Variants in RETREG1 observed in about 807,000 individuals in gnomAD.
RETREG1 encodes the protein reticulophagy regulator 1.
In RETREG1, 44 loss-of-function variants were observed where a neutral mutation model predicts 54.8. The observed-to-expected ratio is 0.80, with a 90% CI of 0.63 to 1.03. The LOEUF (loss-of-function observed/expected upper bound fraction) is 1.03. Ranked by LOEUF, RETREG1 falls within the 50% of genes least tolerant of loss-of-function variation. The pLI is 0.00. For synonymous variants in RETREG1, 217 were observed against 238.5 expected, an observed-to-expected ratio of 0.91 and a Z score of 0.83; for missense variants, 554 against 605.1, an observed-to-expected ratio of 0.92 and a Z score of 0.89.
At chr5:16,488,594 C>A (rs921612247) in intron 3 of RETREG1, among the ~76,000 whole-genome samples, 1 of 152,016 alleles carries the variant, frequency 6.6e-6, no homozygotes, top group East Asian at 1.9e-4. Context: ...GTGAGGAGCC[C>A]GGAGGCCAGG....
intron 1 of RETREG1, among the ~76,000 whole-genome samples, chr5:16,577,772 C>G (rs543526712): frequency 1.3e-5 from 2 of 152,154 alleles, no homozygotes; most frequent in African/African-American, 2.4e-5. Context: ...ATACTGTTCT[C>G]GTGGGAGTGA....
intron 3 of RETREG1, among the ~76,000 whole-genome samples, chr5:16,545,481 T>C (rs1051298948): frequency 9.2e-5 from 14 of 152,048 alleles, no homozygotes; most frequent in Admixed American, 2.6e-4. Flanking sequence ...CCTCATGGAA[T>C]TGTCTTGAGG....
intron 3 of RETREG1, among the ~76,000 whole-genome samples, chr5:16,541,739 G>GGGAGGGAGGGAAGGAA (rs1379256353): frequency 9.8e-6 from 1 of 102,188 alleles, no homozygotes; most frequent in Non-Finnish European, 2.1e-5. Context: ...GAGGGAGGGA[G>GGGAGGGAGGGAAGGAA]GGAAGGAAGG....
chr5:16,536,007 A>G (rs1253185505), intron 3 of RETREG1, among the ~76,000 whole-genome samples: 32 of 119,734 alleles, frequency 2.7e-4, no homozygotes, highest in Middle Eastern at 6.7e-3. Context: ...GGGTTCCTGC[A>G]TGCACACTGC....
intron 3 of RETREG1, among the ~76,000 whole-genome samples, chr5:16,502,692 C>T (rs1739765367): frequency 6.6e-6 from 1 of 152,278 alleles, no homozygotes; most frequent in African/African-American, 2.4e-5. Context: ...ATATTTTTCC[C>T]CCATACTATT....
At chr5:16,550,683 C>G (rs1333107243) in intron 3 of RETREG1, among the ~76,000 whole-genome samples, 2 of 152,218 alleles carry the variant, frequency 1.3e-5, no homozygotes, top group African/African-American at 2.4e-5. Context: ...TAAAACCGAG[C>G]TGCTCCCTAC....
At position 16,585,759 on chromosome 5, in the gene RETREG1, A is replaced by G. The variant is rs151245126; in HGVS notation, c.321-13657T>C. Among the ~76,000 whole-genome samples the G allele has an allele frequency of 1.3e-5, 2 of 152,316 alleles. No homozygotes were observed. The highest frequency in any genetic ancestry group is 3.9e-4 in the East Asian group (2 of 5,180). On this transcript the variant is annotated intron_variant, in intron 1 of 8. Coordinates refer to ENST00000306320, the MANE Select transcript of RETREG1 (RefSeq NM_001034850.3). The surrounding 1 kb of genome is among the most constrained non-coding windows in gnomAD (Gnocchi z 4.5). Reference sequence around the variant, plus strand: ...GCTCGGCTTCTCATGAGGCCTCAGAAAGCTTATGATCATGGTGAAAGGTGA... The same window carrying G: ...GCTCGGCTTCTCATGAGGCCTCAGAGAGCTTATGATCATGGTGAAAGGTGA...
At chr5:16,479,665 A>G (rs1407989827) in intron 5 of RETREG1, among the ~76,000 whole-genome samples, 1 of 152,104 alleles carries the variant, frequency 6.6e-6, no homozygotes, top group Non-Finnish European at 1.5e-5. Context: ...ACCATTTGCC[A>G]TTTGCATTAT....
In RETREG1 at chr5:16,502,194, G is replaced by A. The variant is rs139025188; in HGVS notation, c.459-18722C>T. 9.6e-4 allele frequency among the ~76,000 whole-genome samples: 145 copies of A among 150,646 alleles called. 2 individuals carry two copies. In the South Asian group the frequency reaches 0.016, roughly 17 times the overall value. ...AGGATGGTCTCGATCTCCTGATCTCGTGATTCACCCACCTCGGCCTCCCAA... is the reference window on the plus strand; with the variant it reads ...AGGATGGTCTCGATCTCCTGATCTCATGATTCACCCACCTCGGCCTCCCAA... On this transcript the variant is annotated intron_variant, in intron 3 of 8. Coordinates refer to ENST00000306320, the MANE Select transcript of RETREG1 (RefSeq NM_001034850.3).
intron 2 of RETREG1, among the ~76,000 whole-genome samples, chr5:16,568,526 G>A (rs1402337789): frequency 6.6e-6 from 1 of 152,136 alleles, no homozygotes; most frequent in East Asian, 1.9e-4. Context: ...ACCTGCCTCG[G>A]CCTTCCAAAG....
chr5:16,475,369 G>T, intron 8 of RETREG1, 135 bp from the exon 9 acceptor site: 1 of 943,226 alleles, frequency 1.1e-6, no homozygotes, highest in Non-Finnish European at 1.6e-6. Flanking sequence ...GGGTCAACTT[G>T]AATCAATTTA....
intron 3 of RETREG1, among the ~76,000 whole-genome samples, chr5:16,550,939 GGGA>G (rs1397620734): frequency 1.3e-5 from 2 of 152,186 alleles, no homozygotes. Flanking sequence ...AGGAGCCGCA[GGGA>G]GGAGGATACG....
intron 1 of RETREG1, among the ~76,000 whole-genome samples, chr5:16,584,982 TTC>T (rs937366852): frequency 4.0e-5 from 6 of 148,194 alleles, no homozygotes; most frequent in African/African-American, 1.5e-4. Flanking sequence ...CCTTTTTTTT[TTC>T]CCTAGGGAAG....
rs1202380780 is a variant in RETREG1 at position 16,542,787 on chromosome 5, C to G, written c.458+22976G>C. 2.0e-5 allele frequency among the ~76,000 whole-genome samples: 3 copies of G among 152,238 alleles called. No individual in the cohort carries two copies. The East Asian group carries it at 5.8e-4, about 29-fold the overall frequency. On this transcript the variant is annotated intron_variant, in intron 3 of 8. Coordinates refer to ENST00000306320, the MANE Select transcript of RETREG1 (RefSeq NM_001034850.3). Reference sequence around the variant, plus strand: ...CTTCTTAACAGAACAGCCACTACCTCTACGGTGCTTTCATTCATGTATTAG... The same window carrying G: ...CTTCTTAACAGAACAGCCACTACCTGTACGGTGCTTTCATTCATGTATTAG...
chr5:16,481,481 A>G (rs1449921113), intron 4 of RETREG1, among the ~76,000 whole-genome samples: 1 of 152,086 alleles, frequency 6.6e-6, no homozygotes, highest in African/African-American at 2.4e-5. Context: ...ACTACATCTG[A>G]AAGTTCAAAC....
chr5:16,584,843 T>TG (rs559158130), intron 1 of RETREG1, among the ~76,000 whole-genome samples: 1 of 152,176 alleles, frequency 6.6e-6, no homozygotes, highest in African/African-American at 2.4e-5. Context: ...GTGTGTTGGC[T>TG]GGGGGGTACA....
Position 16,585,196 on chromosome 5 carries a change from C to T in RETREG1, c.321-13094G>A, listed in dbSNP as rs547265709. The stretch of plus-strand genomic sequence containing the variant: ...ACCTTACTCTAGGAGAAGCACATCA[C>T]GATAATCCAGTGAATTCAGGGAATG... On this transcript the variant is annotated intron_variant, in intron 1 of 8. Coordinates refer to ENST00000306320, the MANE Select transcript of RETREG1 (RefSeq NM_001034850.3). The surrounding 1 kb of genome is among the most constrained non-coding windows in gnomAD (Gnocchi z 4.5). Among the ~76,000 whole-genome samples, 50 of 152,250 alleles carry T rather than the reference C, an allele frequency of 3.3e-4. No individual in the cohort carries two copies. The highest frequency in any genetic ancestry group is 6.2e-4 in the Non-Finnish European group (42 of 68,032).
intron 3 of RETREG1, among the ~76,000 whole-genome samples, chr5:16,502,578 T>C (rs541538716): frequency 1.3e-5 from 2 of 152,316 alleles, no homozygotes; most frequent in East Asian, 3.9e-4. Flanking sequence ...ACATATGAGA[T>C]ACTTATTATA....
Position 16,479,528 on chromosome 5 carries a change from C to T in RETREG1, c.671-541G>A, listed in dbSNP as rs192273311. ...CATAAATGAAATCAATGCAAACCAT[C>T]TGAATAATGCCTTGCCCAAATTATT... On this transcript the variant is annotated intron_variant, in intron 5 of 8. Coordinates refer to ENST00000306320, the MANE Select transcript of RETREG1 (RefSeq NM_001034850.3). Among the ~76,000 whole-genome samples, 20 of 152,218 alleles carry T rather than the reference C, an allele frequency of 1.3e-4. 1 individual carries two copies. The highest frequency in any genetic ancestry group is 7.4e-5 in the Non-Finnish European group (5 of 67,988).
Sources: allele counts gnomAD v4.1 joint callset (sites outside exome capture counted in the v4.1 genomes callset), GRCh38; gene constraint gnomAD v4.1.1; non-coding constraint Gnocchi (gnomAD v3.1); transcripts MANE v1.5; gene names NCBI Gene and HGNC (gene_info 2026-07-23, HGNC 2026-07-21).